Variants in MLIP observed in about 807,000 individuals in gnomAD.
MLIP encodes muscular LMNA-interacting protein.
Under a neutral mutation model 84.8 loss-of-function variants are expected in MLIP, and 79 were observed. The observed-to-expected ratio is 0.93, with a 90% CI of 0.78 to 1.12. The LOEUF (loss-of-function observed/expected upper bound fraction) is 1.12. MLIP is among the 50% of genes most tolerant of loss of function. MLIP has a pLI of 0.00. For missense variants in MLIP, 1,257 were observed against 1,160.6 expected, an observed-to-expected ratio of 1.08 and a Z score of -1.21; for synonymous variants, 504 against 463.0, an observed-to-expected ratio of 1.09 and a Z score of -1.14.
At chr6:54,223,292 G>A (rs2754786) in intron 11 of MLIP, among the ~76,000 whole-genome samples, 20,753 of 86,304 alleles carry the variant, frequency 0.24, 1,640 homozygotes, top group African/African-American at 0.31. Flanking sequence ...TTTTGCTGTC[G>A]TATCAACAAA....
intron 1 of MLIP, among the ~76,000 whole-genome samples, chr6:54,021,712 A>G (rs868456822): frequency 1.3e-5 from 2 of 152,228 alleles, no homozygotes; most frequent in African/African-American, 2.4e-5. Flanking sequence ...TACTTAACCA[A>G]TTCAAGGTGA....
chr6:54,256,785 A>G (rs1476618426), intron 12 of MLIP, among the ~76,000 whole-genome samples: 1 of 152,154 alleles, frequency 6.6e-6, no homozygotes, highest in Non-Finnish European at 1.5e-5. Flanking sequence ...TACAATGTTT[A>G]TGAAGTCTGT....
At chr6:54,032,973 C>T (rs567485167) in intron 1 of MLIP, among the ~76,000 whole-genome samples, 176 of 152,258 alleles carry the variant, frequency 1.2e-3, no homozygotes, top group Admixed American at 2.3e-3. Flanking sequence ...GATGTCTTAC[C>T]ATTAATAATA....
At chr6:54,214,219 C>T (rs181165021) in intron 11 of MLIP, among the ~76,000 whole-genome samples, 175 of 152,294 alleles carry the variant, frequency 1.1e-3, no homozygotes, top group Admixed American at 4.2e-3. Context: ...TGACATCTGT[C>T]AGAATCCCCT....
chr6:54,039,170 A>G, intron 1 of MLIP, among the ~76,000 whole-genome samples: 1 of 151,986 alleles, frequency 6.6e-6, no homozygotes, highest in East Asian at 1.9e-4. Flanking sequence ...AATTTCTAGT[A>G]ATTTTATGTC....
chr6:54,233,356 G>T (rs1781139605), intron 12 of MLIP, among the ~76,000 whole-genome samples: 1 of 150,942 alleles, frequency 6.6e-6, no homozygotes. Flanking sequence ...AGGCCCCAGT[G>T]TGTGATGTTC....
chr6:54,160,685 C>T (rs1774536978), intron 7 of MLIP, 55 bp from the exon 8 acceptor site: 1 of 1,501,602 alleles, frequency 6.7e-7, no homozygotes, highest in Non-Finnish European at 9.3e-7. Flanking sequence ...GCCTCACAGG[C>T]TTGTCCTTTT....
At chr6:54,251,765 TA>T (rs1212961898) in intron 12 of MLIP, among the ~76,000 whole-genome samples, 77 of 98,688 alleles carry the variant, frequency 7.8e-4, no homozygotes, top group African/African-American at 3.3e-3. Context: ...ATATATAATA[TA>T]AATATATATT....
intron 11 of MLIP, chr6:54,217,291 C>T (rs954757063): frequency 2.0e-6 from 2 of 985,308 alleles, no homozygotes; most frequent in Non-Finnish European, 1.2e-6. Flanking sequence ...CAGGATGGAA[C>T]AAAAGCATTT....
rs759842569 is a variant in MLIP, at chr6:54,149,072, C to A, written c.2234C>A (p.Ser745Ter). ...CCATTCTAGCAATACAAGACCAAGT[C>A]AAGCTACAAGGCTTTTGCAGCAATC... ...NKKSKQYKTK[S>*]SYKAFAAIPT... Residue 745 changes from serine (S) to a stop codon, truncating the protein, a stop_gained, in exon 5 of 14, where the codon TCA becomes TAA. Coordinates refer to ENST00000502396, the MANE Select transcript of MLIP (RefSeq NM_001281747.2). LOFTEE classifies it high-confidence loss of function. 1.2e-6 allele frequency: 2 copies of A among 1,612,886 alleles called. No individual in the cohort carries two copies. Among genetic ancestry groups the A allele is most frequent in the East Asian group, 2.2e-5 (1 of 44,790 alleles).
intron 1 of MLIP, among the ~76,000 whole-genome samples, chr6:54,099,805 C>A (rs1396022149): frequency 2.0e-5 from 3 of 152,092 alleles, no homozygotes; most frequent in African/African-American, 4.8e-5. Flanking sequence ...GATAGGCTTG[C>A]TTTCCATGTA....
At chr6:54,181,690 T>C (rs746242877) in intron 9 of MLIP, among the ~76,000 whole-genome samples, 3 of 152,196 alleles carry the variant, frequency 2.0e-5, no homozygotes, top group Admixed American at 6.5e-5. Flanking sequence ...GTATCATTGC[T>C]GGTTATTCAC....
chr6:54,169,608 A>G, intron 9 of MLIP, 36 bp downstream of exon 9: 1 of 1,449,546 alleles, frequency 6.9e-7, no homozygotes, highest in Non-Finnish European at 9.5e-7. Flanking sequence ...CTGCTTTTCA[A>G]ATGGGTGCCT....
chr6:54,211,490 T>C (rs1178986290), intron 11 of MLIP, among the ~76,000 whole-genome samples: 2 of 152,216 alleles, frequency 1.3e-5, no homozygotes, highest in African/African-American at 2.4e-5. Context: ...TTGATTCATT[T>C]TTATGTGTAA....
intron 11 of MLIP, chr6:54,217,667 C>A (rs16869492): frequency 0.077 from 75,348 of 983,102 alleles, 4,514 homozygotes; most frequent in African/African-American, 0.28. Flanking sequence ...TTTTTTGAAA[C>A]ATTAGTTCTA....
At chr6:54,055,942 A>G (rs924729706) in intron 1 of MLIP, among the ~76,000 whole-genome samples, 1 of 152,052 alleles carries the variant, frequency 6.6e-6, no homozygotes, top group African/African-American at 2.4e-5. Flanking sequence ...GTCTAATTTG[A>G]TGTGGGTTAT....
At chr6:54,244,045 A>G (rs1359215523) in intron 12 of MLIP, among the ~76,000 whole-genome samples, 2 of 152,166 alleles carry the variant, frequency 1.3e-5, no homozygotes, top group African/African-American at 4.8e-5. Flanking sequence ...AACATCTAGT[A>G]CTCTGACAAA....
intron 3 of MLIP, among the ~76,000 whole-genome samples, chr6:54,136,242 ACT>A (rs1277817646): frequency 6.6e-6 from 1 of 152,040 alleles, no homozygotes; most frequent in Non-Finnish European, 1.5e-5. Context: ...AGTAGTAGAA[ACT>A]CTCAGAATTT....
At chr6:54,088,399 T>C (rs1767638547) in intron 1 of MLIP, among the ~76,000 whole-genome samples, 1 of 150,554 alleles carries the variant, frequency 6.6e-6, no homozygotes, top group South Asian at 2.1e-4. Flanking sequence ...TGAGACAATC[T>C]TGATGCCAGA....
Sources: gnomAD v4.1 joint callset for allele counts (sites outside exome capture counted in the v4.1 genomes callset) on GRCh38, gnomAD v4.1.1 for gene constraint, MANE v1.5 for transcripts, NCBI Gene and HGNC (gene_info 2026-07-23, HGNC 2026-07-21) for gene names.